The following CCDC6 variants were observed in gnomAD, a reference collection of about 807,000 sequenced individuals.
CCDC6 encodes the protein coiled-coil domain-containing protein 6.
A neutral mutation model predicts 56.6 loss-of-function variants in CCDC6; 20 were observed. The ratio of observed to expected loss-of-function variants is 0.35; its 90% CI spans 0.25 to 0.51. CCDC6 has a LOEUF of 0.51. Among genes scored for constraint, CCDC6 ranks in the 20% least tolerant of loss-of-function variants. CCDC6 has a pLI of 0.95. For synonymous variants in CCDC6, 241 were observed against 234.4 expected, an observed-to-expected ratio of 1.03 and a Z score of -0.26; for missense variants, 367 against 601.1, an observed-to-expected ratio of 0.61 and a Z score of 4.07.
At chr10:59,882,889 G>A (rs2071355064) in intron 1 of CCDC6, among the ~76,000 whole-genome samples, 1 of 152,118 alleles carries the variant, frequency 6.6e-6, no homozygotes, top group African/African-American at 2.4e-5. Flanking sequence ...GAACCCGGGA[G>A]GCGGAGGTTG....
At chr10:59,850,423 C>T (rs1319482943) in intron 2 of CCDC6, among the ~76,000 whole-genome samples, 1 of 152,150 alleles carries the variant, frequency 6.6e-6, no homozygotes, top group Non-Finnish European at 1.5e-5. Flanking sequence ...CAGGGACATG[C>T]TAACCATCCA....
chr10:59,880,838 T>C (rs930091270), intron 1 of CCDC6, among the ~76,000 whole-genome samples: 10 of 152,094 alleles, frequency 6.6e-5, no homozygotes, highest in African/African-American at 2.4e-4. Flanking sequence ...GTTATGTGAG[T>C]TACTGCTTGT....
chr10:59,811,816 G>T (rs1264107843), intron 5 of CCDC6, among the ~76,000 whole-genome samples: 2 of 151,798 alleles, frequency 1.3e-5, no homozygotes, highest in Non-Finnish European at 2.9e-5. Flanking sequence ...GATACGAAGG[G>T]ACAACTGTAT....
intron 1 of CCDC6, among the ~76,000 whole-genome samples, chr10:59,869,168 T>C (rs2071203532): frequency 6.6e-6 from 1 of 151,338 alleles, no homozygotes; most frequent in African/African-American, 2.4e-5. Flanking sequence ...TGTAGTGCTA[T>C]AAACTATAGC....
chr10:59,852,612 C>T lies in CCDC6; in HGVS notation c.394G>A (p.Val132Ile), dbSNP rs1490053430. The T allele has an allele frequency of 6.2e-7, 1 of 1,604,050 alleles. No individual in the cohort carries two copies. The highest frequency in any genetic ancestry group is 1.7e-5 in the Admixed American group (1 of 58,128). The change falls in exon 2 of 9, where the codon GTA becomes ATA. Residue 132 changes from valine (V) to isoleucine (I), a missense_variant. This residue lies in a region of CCDC6 where 31 missense variants were observed against 124.2 expected (regional missense o/e 0.25). Coordinates refer to ENST00000263102, the MANE Select transcript of CCDC6 (RefSeq NM_005436.5). ...AATTCTTCTTCTTTCTCATAATTTA[C>T]AGCAAGGGTTTCTTTCTCCTTCTGC... ...ALQKEKETLA[V>I]NYEKEEEFLT...
chr10:59,837,593 A>G (rs2070893766), intron 2 of CCDC6, among the ~76,000 whole-genome samples: 1 of 152,020 alleles, frequency 6.6e-6, no homozygotes, highest in African/African-American at 2.4e-5. Context: ...AAAATACAAA[A>G]AAATTAGCCA....
In CCDC6 at chr10:59,829,048, C is replaced by T. The variant is rs546345676; in HGVS notation, c.582+3477G>A. 1.6e-4 allele frequency among the ~76,000 whole-genome samples: 25 copies of T among 152,262 alleles called. No individual in the cohort carries two copies. The South Asian group carries it at 4.8e-3, about 29-fold the overall frequency. On this transcript the variant is annotated intron_variant, in intron 3 of 8. Transcript: ENST00000263102. ...AATAAGTGGATTCCAGATTCAAGGC[C>T]TATGAAAAGAATGAATGATATCTGA...
At chr10:59,904,532 A>C (rs1460609535) in intron 1 of CCDC6, among the ~76,000 whole-genome samples, 1 of 152,160 alleles carries the variant, frequency 6.6e-6, no homozygotes, top group Non-Finnish European at 1.5e-5. Context: ...TCAAACCTTA[A>C]ACTGCCTCCA....
At chr10:59,905,783 G>GA (rs1356280595) in intron 1 of CCDC6, among the ~76,000 whole-genome samples, 2 of 152,258 alleles carry the variant, frequency 1.3e-5, no homozygotes, top group East Asian at 1.9e-4. Context: ...TGCTAGGGCT[G>GA]AAAAAAGTCC....
intron 1 of CCDC6, among the ~76,000 whole-genome samples, chr10:59,855,439 C>T (rs998436585): frequency 2.0e-4 from 31 of 152,092 alleles, no homozygotes; most frequent in Non-Finnish European, 2.8e-4. Context: ...TGGTGGTGAG[C>T]GCCTGTAATC....
At chr10:59,807,394 A>G (rs1201291784) in intron 5 of CCDC6, among the ~76,000 whole-genome samples, 1 of 152,170 alleles carries the variant, frequency 6.6e-6, no homozygotes, top group African/African-American at 2.4e-5. Flanking sequence ...CTGAGGCAGG[A>G]GAACTGCTTG....
chr10:59,804,906 ACT>A (rs2132626753), intron 6 of CCDC6: 1 of 184,662 alleles, frequency 5.4e-6, no homozygotes, highest in East Asian at 1.5e-4. Flanking sequence ...GTTATTTGAA[ACT>A]CAAAACCAAG....
chr10:59,865,218 A>G (rs2071167019), intron 1 of CCDC6, among the ~76,000 whole-genome samples: 1 of 152,200 alleles, frequency 6.6e-6, no homozygotes, highest in African/African-American at 2.4e-5. Flanking sequence ...GGGATATAAC[A>G]TTCCAACAGC....
chr10:59,841,958 G>A (rs1022780230), intron 2 of CCDC6, among the ~76,000 whole-genome samples: 1 of 151,898 alleles, frequency 6.6e-6, no homozygotes, highest in Non-Finnish European at 1.5e-5. Flanking sequence ...GAGCCACCGC[G>A]CCCGACCCCA....
intron 7 of CCDC6, among the ~76,000 whole-genome samples, chr10:59,798,991 C>CAAAAA (rs34505959): frequency 2.6e-5 from 2 of 76,972 alleles, no homozygotes; most frequent in Non-Finnish European, 5.1e-5. Flanking sequence ...AAGACTGTTT[C>CAAAAA]AAAAAAAAAA....
intron 2 of CCDC6, among the ~76,000 whole-genome samples, chr10:59,833,727 A>C (rs542429262): frequency 1.3e-5 from 2 of 151,970 alleles, no homozygotes; most frequent in African/African-American, 4.8e-5. Context: ...ACTAAAAACA[A>C]TGAAGCACAC....
chr10:59,897,890 C>T (rs902017823), intron 1 of CCDC6, among the ~76,000 whole-genome samples: 16 of 152,192 alleles, frequency 1.1e-4, no homozygotes, highest in African/African-American at 3.1e-4. Context: ...CCCAACTCTG[C>T]TCTGCAGTAC....
chr10:59,902,695 C>T (rs1338738001), intron 1 of CCDC6, among the ~76,000 whole-genome samples: 2 of 152,124 alleles, frequency 1.3e-5, no homozygotes, highest in Non-Finnish European at 2.9e-5. Flanking sequence ...CCACCGCGCC[C>T]GGCCCCGCCA....
chr10:59,877,495 A>C (rs1373716968), intron 1 of CCDC6, among the ~76,000 whole-genome samples: 1 of 152,212 alleles, frequency 6.6e-6, no homozygotes, highest in African/African-American at 2.4e-5. Flanking sequence ...GGGTCAGGGA[A>C]AACATTTCTA....
Sources: gnomAD v4.1 joint callset for allele counts (sites outside exome capture counted in the v4.1 genomes callset) on GRCh38, gnomAD v4.1.1 for gene constraint, gnomAD v4.1.1 regional missense constraint, MANE v1.5 for transcripts, NCBI Gene and HGNC (gene_info 2026-07-23, HGNC 2026-07-21) for gene names.